The following HADH variants were observed in gnomAD, a reference collection of about 807,000 sequenced individuals.
The protein encoded by HADH is hydroxyacyl-CoA dehydrogenase.
Under a neutral mutation model 32.2 loss-of-function variants are expected in HADH, and 24 were observed. The ratio of observed to expected loss-of-function variants is 0.75; its 90% CI spans 0.54 to 1.05. The LOEUF (loss-of-function observed/expected upper bound fraction) is 1.05, where lower values mean the gene tolerates loss of function less well. HADH is among the 50% of genes least tolerant of loss of function. HADH has a pLI of 0.00. For synonymous variants in HADH, 139 were observed against 152.5 expected (o/e 0.91, Z 0.65); for missense variants, 350 against 397.1 (o/e 0.88, Z 1.01).
At chr4:108,022,211 G>A (rs1237225212) in intron 4 of HADH, among the ~76,000 whole-genome samples, 1 of 151,556 alleles carries the variant, frequency 6.6e-6, no homozygotes, top group Non-Finnish European at 1.5e-5. Flanking sequence ...ATGTGTGTGT[G>A]TGTGTGTGTG....
chr4:108,006,337 T>C (rs1452599673), intron 1 of HADH, among the ~76,000 whole-genome samples: 2 of 152,034 alleles, frequency 1.3e-5, no homozygotes, highest in Non-Finnish European at 2.9e-5. Flanking sequence ...TAGACAGGGA[T>C]AGGGATCAGA....
intron 5 of HADH, chr4:108,023,934 G>T (rs1168678437): frequency 5.3e-6 from 1 of 190,182 alleles, no homozygotes; most frequent in Non-Finnish European, 1.1e-5. Context: ...GAAAATGAGG[G>T]CTTTACTTTT....
Position 108,034,443 on chromosome 4 carries a change from A to C in HADH, c.*86A>C. ...GTGCCTGTGGGAATGCTCTTTGGTC[A>C]GACATTCCCTCACACAGTACAGTTT... On this transcript the variant is annotated 3_prime_UTR_variant, in exon 8 of 8. Coordinates refer to ENST00000309522, the MANE Select transcript of HADH (RefSeq NM_005327.7). The C allele has an allele frequency of 1.3e-6, 1 of 799,624 alleles. No homozygotes were observed. The highest frequency in any genetic ancestry group is 2.4e-5 in the East Asian group (1 of 40,972). 49.5% of individuals were successfully genotyped at this position (799,624 alleles called of 1,614,324 possible).
intron 2 of HADH, among the ~76,000 whole-genome samples, chr4:108,011,467 C>T (rs186962891): frequency 1.3e-5 from 2 of 152,192 alleles, no homozygotes; most frequent in African/African-American, 2.4e-5. Context: ...CACTGGGCCC[C>T]TCCCACAACA....
At chr4:108,023,671 A>G in intron 5 of HADH, 108 bp downstream of exon 5, 1 of 768,950 alleles carries the variant, frequency 1.3e-6, no homozygotes, top group South Asian at 1.4e-5. Context: ...GGAGCATTGT[A>G]TACTGCAAGC....
At chr4:107,995,578 C>G (rs1439782218) in intron 1 of HADH, among the ~76,000 whole-genome samples, 1 of 152,092 alleles carries the variant, frequency 6.6e-6, no homozygotes, top group Non-Finnish European at 1.5e-5. Context: ...TTTTGTAGAG[C>G]TAAAACCACT....
chr4:108,033,459 G>A (rs1736349419), intron 7 of HADH, among the ~76,000 whole-genome samples, 167 bp downstream of exon 7: 1 of 152,162 alleles, frequency 6.6e-6, no homozygotes, highest in African/African-American at 2.4e-5. Context: ...GGAAGAATGT[G>A]ACTGTCTAGT....
chr4:108,030,082 C>G (rs1024027187), intron 6 of HADH: 5 of 152,418 alleles, frequency 3.3e-5, no homozygotes, highest in Non-Finnish European at 7.3e-5. Flanking sequence ...GCCTGCCCCC[C>G]AGTCACCATG....
chr4:108,017,366 G>T (rs1003989024), intron 3 of HADH, among the ~76,000 whole-genome samples: 1 of 152,068 alleles, frequency 6.6e-6, no homozygotes, highest in African/African-American at 2.4e-5. Flanking sequence ...TGAATCCTTT[G>T]CCATCCCCAC....
intron 4 of HADH, among the ~76,000 whole-genome samples, chr4:108,022,328 C>CT (rs1386359679): frequency 2.0e-5 from 3 of 152,134 alleles, no homozygotes; most frequent in Non-Finnish European, 4.4e-5. Flanking sequence ...CATGAGTTCT[C>CT]TAACTGCTTA....
intron 7 of HADH, among the ~76,000 whole-genome samples, 177 bp from the exon 8 acceptor site, chr4:108,034,062 G>C (rs1298206943): frequency 6.6e-6 from 1 of 152,276 alleles, no homozygotes; most frequent in Non-Finnish European, 1.5e-5. Flanking sequence ...CTTTGGGGCT[G>C]ATGTGGCTGC....
chr4:107,996,003 C>T (rs1218372960), intron 1 of HADH, among the ~76,000 whole-genome samples: 2 of 152,180 alleles, frequency 1.3e-5, no homozygotes, highest in Non-Finnish European at 2.9e-5. Context: ...TCCCCTCCAG[C>T]TTTTTCCAGA....
chr4:108,014,653 AT>A, intron 3 of HADH, 65 bp downstream of exon 3: 1 of 1,430,742 alleles, frequency 7.0e-7, no homozygotes, highest in Admixed American at 1.8e-5. Flanking sequence ...TTTCATTTTT[AT>A]TTTTTGTTTT....
intron 7 of HADH, among the ~76,000 whole-genome samples, chr4:108,034,000 G>A (rs1198575513): frequency 6.6e-6 from 1 of 152,232 alleles, no homozygotes; most frequent in Non-Finnish European, 1.5e-5. Context: ...TAAGCAGGAG[G>A]ACCATAGTAG....
At chr4:108,014,330 G>A (rs1735615464) in intron 2 of HADH, 101 bp from the exon 3 acceptor site, 5 of 1,291,560 alleles carry the variant, frequency 3.9e-6, no homozygotes, top group Middle Eastern at 2.3e-4. Context: ...CAATACAGGT[G>A]CTCTGAACAC....
Position 108,034,746 on chromosome 4 carries a change from C to T in HADH, c.*389C>T. 1 of 348,482 alleles carries T rather than the reference C, an allele frequency of 2.9e-6. No individual in the cohort carries two copies. Among genetic ancestry groups the T allele is most frequent in the Non-Finnish European group, 5.6e-6 (1 of 177,426 alleles). 21.6% of individuals were successfully genotyped at this position (348,482 alleles called of 1,614,324 possible). On this transcript the variant is annotated 3_prime_UTR_variant, in exon 8 of 8. Transcript: ENST00000309522. ...TCACTGTTGCTGCGTGGGAGAGTCA[C>T]AAGCCACTGGCAAGCAAGTGGTATA... is the stretch of plus-strand genomic sequence containing the variant.
intron 3 of HADH, among the ~76,000 whole-genome samples, chr4:108,015,031 T>A (rs912145203): frequency 6.6e-6 from 1 of 152,194 alleles, no homozygotes; most frequent in Non-Finnish European, 1.5e-5. Flanking sequence ...TAATCAGCCA[T>A]TGATGGACAC....
At chr4:108,032,455 G>A (rs919705442) in intron 6 of HADH, 9 of 794,054 alleles carry the variant, frequency 1.1e-5, no homozygotes, top group Non-Finnish European at 2.0e-5. Flanking sequence ...AAAACTGGGG[G>A]AAAGAATACA....
chr4:108,014,160 G>A (rs1008617005), intron 2 of HADH, among the ~76,000 whole-genome samples: 1 of 152,210 alleles, frequency 6.6e-6, no homozygotes, highest in African/African-American at 2.4e-5. Context: ...TGCTAAGTCG[G>A]CTTTCTTACC....
Sources: gnomAD v4.1 joint callset for allele counts (sites outside exome capture counted in the v4.1 genomes callset) on GRCh38, gnomAD v4.1.1 for gene constraint, MANE v1.5 for transcripts, NCBI Gene and HGNC (gene_info 2026-07-23, HGNC 2026-07-21) for gene names.